Variants in KDM4B observed in about 807,000 individuals in gnomAD.
KDM4B encodes lysine demethylase 4B, also known as lysine-specific demethylase 4B.
In KDM4B, 32 loss-of-function variants were observed where a neutral mutation model predicts 125.2. The ratio of observed to expected loss-of-function variants is 0.26; its 90% confidence interval spans 0.19 to 0.34. KDM4B has a LOEUF of 0.34. Ranked by LOEUF, KDM4B falls within the 10% of genes least tolerant of loss-of-function variation. The probability of loss-of-function intolerance (pLI) is 1.00; values close to 1 mark genes in which losing one functional copy is unlikely to be tolerated. For synonymous variants in KDM4B, 721 were observed against 677.9 expected, an observed-to-expected ratio of 1.06 and a Z score of -0.99; for missense variants, 1,190 against 1,577.7, an observed-to-expected ratio of 0.75 and a Z score of 4.16.
chr19:4,974,550 C>G (rs971990222), intron 1 of KDM4B, among the ~76,000 whole-genome samples: 1 of 151,690 alleles, frequency 6.6e-6, no homozygotes, highest in Non-Finnish European at 1.5e-5. Context: ...ACCAGCCTGG[C>G]CAACATAGTG....
chr19:5,131,845 G>T (rs904231873), intron 12 of KDM4B, 42 bp from the exon 13 acceptor site: 4 of 1,612,128 alleles, frequency 2.5e-6, no homozygotes, highest in Admixed American at 1.7e-5. Context: ...CCACCCAGGG[G>T]TCTGTAGCGG....
At chr19:5,012,700 C>T (rs767072409) in intron 1 of KDM4B, among the ~76,000 whole-genome samples, 124 of 152,164 alleles carry the variant, frequency 8.1e-4, no homozygotes, top group Non-Finnish European at 1.4e-3. Context: ...GGGAGGACTT[C>T]AGAGGTAAGG....
intron 1 of KDM4B, among the ~76,000 whole-genome samples, chr19:4,987,758 G>T (rs763831844): frequency 6.6e-6 from 1 of 152,178 alleles, no homozygotes. Flanking sequence ...TCTGGTGGCT[G>T]TCAGGAGTGA....
intron 1 of KDM4B, among the ~76,000 whole-genome samples, chr19:4,978,513 A>C (rs1226032758): frequency 1.4e-5 from 2 of 145,194 alleles, no homozygotes; most frequent in Non-Finnish European, 3.0e-5. Context: ...TCTCAAAAAA[A>C]AAAAAAAAAA....
intron 1 of KDM4B, among the ~76,000 whole-genome samples, chr19:4,979,373 C>G (rs184629632): frequency 3.4e-4 from 52 of 152,356 alleles, no homozygotes; most frequent in Admixed American, 3.1e-3. Context: ...TGCGCAGAGC[C>G]TTGTCCATTG....
At chr19:5,067,872 C>T (rs1381076087) in intron 6 of KDM4B, among the ~76,000 whole-genome samples, 1 of 152,100 alleles carries the variant, frequency 6.6e-6, no homozygotes, top group Non-Finnish European at 1.5e-5. Context: ...CTCCTGGGGT[C>T]ACGGGCAGGC....
chr19:4,971,964 C>T lies in KDM4B; in HGVS notation c.-109+2734C>T, dbSNP rs543709687. 9.2e-5 allele frequency among the ~76,000 whole-genome samples: 14 copies of T among 152,164 alleles called. No individual in the cohort carries two copies. The South Asian group carries it at 2.3e-3, about 25-fold the overall frequency. On this transcript the variant is annotated intron_variant, in intron 1 of 22. Coordinates refer to ENST00000159111, the MANE Select transcript of KDM4B (RefSeq NM_015015.3). The surrounding 1 kb of genome is among the most constrained non-coding windows in gnomAD (Gnocchi z 4.1). ...TGGGGGCTCGGGGCGGGGGGAGCTC[C>T]GCAGGCCTGCACTGGTCACCGCCAT...
intron 11 of KDM4B, 63 bp downstream of exon 11, chr19:5,119,915 A>G: frequency 6.6e-7 from 1 of 1,519,576 alleles, no homozygotes; most frequent in Non-Finnish European, 8.8e-7. Flanking sequence ...CATCTCCTAG[A>G]AGGAACCAGT....
At chr19:5,032,226 C>T (rs2036481096) in intron 2 of KDM4B, among the ~76,000 whole-genome samples, 1 of 152,236 alleles carries the variant, frequency 6.6e-6, no homozygotes, top group Admixed American at 6.5e-5. Context: ...GGTGCAATCC[C>T]CCATTCTGTA....
intron 9 of KDM4B, among the ~76,000 whole-genome samples, chr19:5,110,154 C>A (rs543330839): frequency 3.9e-5 from 6 of 152,198 alleles, no homozygotes; most frequent in Non-Finnish European, 7.3e-5. Context: ...CTGGGGGATG[C>A]CGTTTCCTGA....
intron 21 of KDM4B, among the ~76,000 whole-genome samples, chr19:5,146,653 G>A (rs761257096): frequency 7.1e-4 from 108 of 151,982 alleles, no homozygotes; most frequent in Non-Finnish European, 1.2e-3. Context: ...TGGGCTGGGC[G>A]CGGTGGTTCA....
chr19:5,135,105 C>T (rs1291982960), intron 14 of KDM4B, among the ~76,000 whole-genome samples: 1 of 152,116 alleles, frequency 6.6e-6, no homozygotes, highest in African/African-American at 2.4e-5. Context: ...TGGATGCAAC[C>T]CTCATGGGAA....
chr19:5,095,584 C>T (rs956148826), intron 9 of KDM4B, among the ~76,000 whole-genome samples: 32 of 152,214 alleles, frequency 2.1e-4, no homozygotes, highest in South Asian at 8.3e-4. Flanking sequence ...TGGGGGCCCA[C>T]GAGCCTCGGT....
At position 5,068,298 on chromosome 19, in the gene KDM4B, C is replaced by T. The variant is rs1185215741; in HGVS notation, c.627-2712C>T. 3.9e-5 allele frequency among the ~76,000 whole-genome samples: 6 copies of T among 152,220 alleles called. No homozygotes were observed. In the South Asian group the frequency reaches 1.2e-3, roughly 31 times the overall value. On this transcript the variant is annotated intron_variant, in intron 6 of 22. Transcript: ENST00000159111. ...GTGACTGTGGGTCTCTGCCGTGCATCTGCTTCAGTCCGCCAGTTCCATGGC... is the reference window on the plus strand; with the variant it reads ...GTGACTGTGGGTCTCTGCCGTGCATTTGCTTCAGTCCGCCAGTTCCATGGC...
intron 1 of KDM4B, among the ~76,000 whole-genome samples, chr19:4,988,492 G>A (rs1452199461): frequency 6.6e-6 from 1 of 152,036 alleles, no homozygotes; most frequent in East Asian, 1.9e-4. Context: ...AGCCAGGATG[G>A]TCTCAATCTC....
chr19:5,151,262 G>A, intron 22 of KDM4B, 73 bp from the exon 23 acceptor site: 1 of 1,276,456 alleles, frequency 7.8e-7, no homozygotes, highest in Non-Finnish European at 1.0e-6. Flanking sequence ...TCCTCTCAGA[G>A]GCCATAGACA....
chr19:5,000,091 C>T (rs933033365), intron 1 of KDM4B, among the ~76,000 whole-genome samples: 6 of 144,396 alleles, frequency 4.2e-5, no homozygotes, highest in Non-Finnish European at 9.1e-5. Flanking sequence ...CCCACCCACC[C>T]ACCTACCAAC....
rs924737475 is a variant in KDM4B at position 5,082,272 on chromosome 19, C to G, written c.781-95C>G. The G allele has an allele frequency of 4.0e-6, 6 of 1,501,496 alleles. No individual in the cohort carries two copies. Among genetic ancestry groups the G allele is most frequent in the Non-Finnish European group, 5.5e-6 (6 of 1,100,618 alleles). The allele number at this position is 1,501,496 out of a possible 1,614,324, so 93.0% of individuals were successfully genotyped here. A position where few individuals can be genotyped will look rare whatever the true frequency, so the allele number is the denominator to read the frequency against. On this transcript the variant is annotated intron_variant, in intron 8 of 22. Coordinates refer to ENST00000159111, the MANE Select transcript of KDM4B (RefSeq NM_015015.3). This position sits in a 1 kb window ranked among gnomAD's most constrained non-coding sequence, Gnocchi z 5.4. ...TTGTGAAACCCCCTTGGCTCATAAG[C>G]CAGGCTCCCTGGCACTTGCTGGGAA...
chr19:5,008,190 T>C (rs1414780740), intron 1 of KDM4B, among the ~76,000 whole-genome samples: 1 of 152,246 alleles, frequency 6.6e-6, no homozygotes, highest in Non-Finnish European at 1.5e-5. Flanking sequence ...AGTATAAATA[T>C]ATGGTGTGAG....
Sources: allele counts gnomAD v4.1 joint callset (sites outside exome capture counted in the v4.1 genomes callset), GRCh38; gene constraint gnomAD v4.1.1; non-coding constraint Gnocchi (gnomAD v3.1); transcripts MANE v1.5; gene names NCBI Gene and HGNC (gene_info 2026-07-23, HGNC 2026-07-21).